Variants in FRMD3 observed in about 807,000 individuals in gnomAD.
FRMD3 encodes the protein FERM domain-containing protein 3.
FRMD3 carries 33 observed loss-of-function variants against 70.2 expected under a neutral mutation model. The ratio of observed to expected loss-of-function variants is 0.47; its 90% CI spans 0.36 to 0.63. FRMD3 has a LOEUF of 0.63. Ranked by LOEUF, FRMD3 falls within the 20% of genes least tolerant of loss-of-function variation. The pLI is 0.00. For synonymous variants in FRMD3, 279 were observed against 255.9 expected, an observed-to-expected ratio of 1.09 and a Z score of -0.86; for missense variants, 632 against 711.4, an observed-to-expected ratio of 0.89 and a Z score of 1.27.
rs1236145526 is a variant in FRMD3, at chr9:83,245,340, T to G, written c.*2578A>C. ...TCGATTCAGGCAACTGGTGACTATCTTCTAACAAAACTTAAATGGATGTTT... is the reference window on the plus strand; with the variant it reads ...TCGATTCAGGCAACTGGTGACTATCGTCTAACAAAACTTAAATGGATGTTT... On this transcript the variant is annotated 3_prime_UTR_variant, in exon 14 of 14. Coordinates refer to ENST00000304195, the MANE Select transcript of FRMD3 (RefSeq NM_174938.6). 2 of 985,304 alleles carry G rather than the reference T, an allele frequency of 2.0e-6. No individual in the cohort carries two copies. Among genetic ancestry groups the G allele is most frequent in the Non-Finnish European group, 2.4e-6 (2 of 829,918 alleles). 61.0% of individuals were successfully genotyped at this position (985,304 alleles called of 1,614,324 possible). A position where few individuals can be genotyped will look rare whatever the true frequency, so the allele number is the denominator to read the frequency against.
intron 12 of FRMD3, chr9:83,297,942 C>G: frequency 2.3e-6 from 1 of 440,332 alleles, no homozygotes; most frequent in African/African-American, 2.0e-5. Context: ...TGCCCAACAA[C>G]CCCAAGGGAC....
intron 1 of FRMD3, among the ~76,000 whole-genome samples, chr9:83,536,322 T>G (rs1465831874): frequency 6.6e-6 from 1 of 152,154 alleles, no homozygotes; most frequent in African/African-American, 2.4e-5. Flanking sequence ...GGAATATTTA[T>G]TATTCTAAGG....
chr9:83,578,851 T>A, the FRMD3 span, among the ~76,000 whole-genome samples: 1 of 152,060 alleles, frequency 6.6e-6, no homozygotes, highest in East Asian at 1.9e-4. Context: ...ATAAAAGGCA[T>A]CCAAATAGAA....
chr9:83,410,824 C>T (rs1435289815), intron 1 of FRMD3, among the ~76,000 whole-genome samples: 1 of 152,150 alleles, frequency 6.6e-6, no homozygotes, highest in Non-Finnish European at 1.5e-5. Flanking sequence ...TGTTTTTGAC[C>T]TCCTAAATTC....
chr9:83,338,599 T>C (rs908245049), intron 5 of FRMD3, among the ~76,000 whole-genome samples: 1 of 152,114 alleles, frequency 6.6e-6, no homozygotes, highest in Admixed American at 6.6e-5. Flanking sequence ...CCAAAAGCAG[T>C]GTTCTGAGCG....
chr9:83,465,315 T>G (rs1439934897), intron 1 of FRMD3, among the ~76,000 whole-genome samples: 5 of 152,100 alleles, frequency 3.3e-5, no homozygotes, highest in Non-Finnish European at 5.9e-5. Flanking sequence ...CCCAGGCAGG[T>G]GCAGTGGCTC....
At position 83,290,659 on chromosome 9, in the gene FRMD3, A is replaced by C; in HGVS notation, c.1139T>G (p.Leu380Arg). 5.0e-6 allele frequency: 8 copies of C among 1,614,086 alleles called. No homozygotes were observed. Among genetic ancestry groups the C allele is most frequent in the Non-Finnish European group, 6.8e-6 (8 of 1,179,974 alleles). Residue 380 changes from leucine to arginine, a missense_variant, in exon 13 of 14, where the codon CTG (leucine) becomes CGG (arginine). Physicochemically the swap from Leu to Arg is moderately radical, Grantham distance 102 (BLOSUM62 -2). Around this residue, in one of 3 missense-constraint regions of FRMD3, gnomAD observed 418 missense variants for 442.1 expected, o/e 0.95. Coordinates refer to ENST00000304195, the MANE Select transcript of FRMD3 (RefSeq NM_174938.6). Reference protein sequence around the residue: ...NKQLIINMEPLQPLLPSPSEQ... With the variant: ...NKQLIINMEPRQPLLPSPSEQ... ...GCTGGGGGAAGGAAGCAGGGGCTGCAGGGGTTCCATGTTAATGATGAGCTG... is the reference window on the plus strand; with the variant it reads ...GCTGGGGGAAGGAAGCAGGGGCTGCCGGGGTTCCATGTTAATGATGAGCTG...
At chr9:83,344,288 T>A (rs10120343) in intron 4 of FRMD3, among the ~76,000 whole-genome samples, 1 of 152,202 alleles carries the variant, frequency 6.6e-6, no homozygotes, top group Non-Finnish European at 1.5e-5. Context: ...CCAATGTTTT[T>A]TCTCCTTCTC....
intron 1 of FRMD3, 86 bp from the exon 2 acceptor site, chr9:83,389,794 T>A: frequency 1.1e-6 from 1 of 889,764 alleles, no homozygotes; most frequent in Non-Finnish European, 1.9e-6. Context: ...ACCATGGGTC[T>A]ATGTTCTGAA....
At chr9:83,446,520 G>A (rs112727953) in intron 1 of FRMD3, among the ~76,000 whole-genome samples, 33,843 of 151,552 alleles carry the variant, frequency 0.22, 3,884 homozygotes, top group Non-Finnish European at 0.26. Context: ...GGTGGCGGGC[G>A]CCTGTAGTCC....
intron 1 of FRMD3, among the ~76,000 whole-genome samples, chr9:83,459,529 C>A (rs2131434322): frequency 6.6e-6 from 1 of 152,364 alleles, no homozygotes; most frequent in Non-Finnish European, 1.5e-5. Context: ...ACAGAGGCTA[C>A]TGAGAGATGC....
chr9:83,541,709 G>A (rs994842544), upstream of FRMD3, among the ~76,000 whole-genome samples: 5 of 152,162 alleles, frequency 3.3e-5, no homozygotes, highest in African/African-American at 4.8e-5. Context: ...AACCCTCAGT[G>A]CCAGGGAGGG....
chr9:83,348,181 CTAAT>C (rs1450851805), intron 4 of FRMD3, among the ~76,000 whole-genome samples: 3 of 152,092 alleles, frequency 2.0e-5, no homozygotes, highest in African/African-American at 7.2e-5. Flanking sequence ...TTTGATCTTC[CTAAT>C]TACACTGTTA....
At chr9:83,518,710 C>T (rs1829505384) in intron 1 of FRMD3, among the ~76,000 whole-genome samples, 1 of 151,810 alleles carries the variant, frequency 6.6e-6, no homozygotes, top group Non-Finnish European at 1.5e-5. Context: ...AAAAACAAAG[C>T]TGGAAGCATC....
At chr9:83,534,097 C>T (rs1829843372) in intron 1 of FRMD3, among the ~76,000 whole-genome samples, 1 of 152,224 alleles carries the variant, frequency 6.6e-6, no homozygotes, top group Admixed American at 6.5e-5. Context: ...AAAATCCAGA[C>T]TTCAGGGGTT....
At chr9:83,504,584 TA>T in intron 1 of FRMD3, among the ~76,000 whole-genome samples, 1 of 106,964 alleles carries the variant, frequency 9.3e-6, no homozygotes. Flanking sequence ...TTCTCCCAGG[TA>T]TTCATTTGAC....
chr9:83,553,375 C>T, the FRMD3 span, among the ~76,000 whole-genome samples: 1 of 151,884 alleles, frequency 6.6e-6, no homozygotes, highest in South Asian at 2.1e-4. Context: ...TTGTAGGGGA[C>T]CTACACTTTC....
At chr9:83,558,412 T>C in the FRMD3 span, among the ~76,000 whole-genome samples, 2 of 152,354 alleles carry the variant, frequency 1.3e-5, no homozygotes, top group Non-Finnish European at 2.9e-5. Context: ...TAGTCAATTT[T>C]ATTAGTGAAT....
chr9:83,477,424 GA>G (rs2131469387), intron 1 of FRMD3, among the ~76,000 whole-genome samples: 1 of 152,238 alleles, frequency 6.6e-6, no homozygotes, highest in African/African-American at 2.4e-5. Context: ...GTCACCTGGA[GA>G]GCTTTAGAAA....
Sources: allele counts gnomAD v4.1 joint callset (sites outside exome capture counted in the v4.1 genomes callset), GRCh38; gene constraint gnomAD v4.1.1; regional missense constraint gnomAD v4.1.1; transcripts MANE v1.5; gene names NCBI Gene and HGNC (gene_info 2026-07-23, HGNC 2026-07-21).